The following ARMH3 variants were observed in gnomAD, a reference collection of about 807,000 sequenced individuals.
ARMH3 encodes armadillo-like helical domain-containing protein 3.
In ARMH3, 60 loss-of-function variants were observed where a neutral mutation model predicts 99.1. The observed-to-expected ratio is 0.61, with a 90% confidence interval of 0.49 to 0.75. ARMH3 has a LOEUF of 0.75. Among genes scored for constraint, ARMH3 ranks in the 30% least tolerant of loss-of-function variants. ARMH3 has a pLI of 0.00. For missense variants in ARMH3, 679 were observed against 843.1 expected, an observed-to-expected ratio of 0.81 and a Z score of 2.41; for synonymous variants, 285 against 292.8, an observed-to-expected ratio of 0.97 and a Z score of 0.27.
intron 1 of ARMH3, among the ~76,000 whole-genome samples, chr10:102,044,906 C>A (rs1027006100): frequency 1.3e-5 from 2 of 151,938 alleles, no homozygotes; most frequent in Admixed American, 6.6e-5. Context: ...GAAGCCGAGG[C>A]GGGCAGATCA....
intron 23 of ARMH3, among the ~76,000 whole-genome samples, chr10:101,890,225 TTC>T (rs1336579162): frequency 6.7e-6 from 1 of 149,926 alleles, no homozygotes; most frequent in Non-Finnish European, 1.5e-5. Context: ...ATCTCTTTTT[TTC>T]ATATATATAT....
At position 101,959,229 on chromosome 10, in the gene ARMH3, A is replaced by G. The variant is rs1281601306; in HGVS notation, c.1496-1497T>C. Among the ~76,000 whole-genome samples the G allele has an allele frequency of 3.3e-5, 5 of 152,306 alleles. No individual in the cohort carries two copies. The East Asian group carries it at 9.6e-4, about 29-fold the overall frequency. ...CTTAGCTCCTACCAGGAGCACAGGA[A>G]TAATGGGGCTAGCTAAAATTCACAT... On this transcript the variant is annotated intron_variant, in intron 20 of 25. Transcript: ENST00000370033.
intron 24 of ARMH3, among the ~76,000 whole-genome samples, chr10:101,868,423 TA>T (rs1457821258): frequency 2.0e-5 from 3 of 152,058 alleles, no homozygotes; most frequent in African/African-American, 7.2e-5. Flanking sequence ...TTCAGAGAAA[TA>T]AAAAAGTAAA....
At chr10:102,040,164 C>G (rs1230827598) in intron 1 of ARMH3, 39 bp from the exon 2 acceptor site, 2 of 1,499,552 alleles carry the variant, frequency 1.3e-6, no homozygotes, top group East Asian at 2.3e-5. Context: ...AGTGAAAATA[C>G]TCAGTATGAT....
chr10:101,953,396 G>T (rs1590076091), intron 22 of ARMH3, among the ~76,000 whole-genome samples: 2 of 152,160 alleles, frequency 1.3e-5, no homozygotes, highest in South Asian at 4.1e-4. Flanking sequence ...AAAGTGCTGG[G>T]ACTACAGGTG....
At chr10:101,995,122 G>T (rs1477111731) in intron 16 of ARMH3, among the ~76,000 whole-genome samples, 175 bp downstream of exon 16, 1 of 152,164 alleles carries the variant, frequency 6.6e-6, no homozygotes, top group Non-Finnish European at 1.5e-5. Flanking sequence ...TCTATCCATG[G>T]CTTCATCGAA....
intron 22 of ARMH3, among the ~76,000 whole-genome samples, chr10:101,949,425 A>T (rs77232151): frequency 2.0e-4 from 30 of 152,216 alleles, no homozygotes; most frequent in African/African-American, 7.2e-4. Context: ...GACCCTACAG[A>T]CATTAAAAAT....
At chr10:101,869,365 T>C (rs1021090916) in intron 24 of ARMH3, among the ~76,000 whole-genome samples, 19 of 152,202 alleles carry the variant, frequency 1.2e-4, no homozygotes, top group Admixed American at 6.5e-5. Flanking sequence ...CAATGGACCA[T>C]AAAGCAACTC....
chr10:101,988,636 C>T (rs1846621499), intron 19 of ARMH3, among the ~76,000 whole-genome samples: 2 of 152,022 alleles, frequency 1.3e-5, no homozygotes, highest in East Asian at 1.9e-4. Context: ...TCTAAGAAGC[C>T]GGAAGGTTGG....
At chr10:102,044,287 G>A (rs1373258489) in intron 1 of ARMH3, among the ~76,000 whole-genome samples, 1 of 151,700 alleles carries the variant, frequency 6.6e-6, no homozygotes, top group Non-Finnish European at 1.5e-5. Context: ...ATGTTAGCCA[G>A]GATGGTCTCG....
intron 23 of ARMH3, among the ~76,000 whole-genome samples, chr10:101,901,607 T>C (rs1452659941): frequency 6.6e-6 from 1 of 152,172 alleles, no homozygotes; most frequent in Non-Finnish European, 1.5e-5. Flanking sequence ...TGCTTTCACC[T>C]GCTCCAGCAC....
At chr10:101,978,205 G>C (rs564043917) in intron 19 of ARMH3, among the ~76,000 whole-genome samples, 1 of 151,594 alleles carries the variant, frequency 6.6e-6, no homozygotes, top group Non-Finnish European at 1.5e-5. Context: ...AAACAACTAT[G>C]GAAAGAACAT....
chr10:101,956,474 C>A (rs1168659275), intron 22 of ARMH3, 123 bp downstream of exon 22: 3 of 1,291,456 alleles, frequency 2.3e-6, no homozygotes, highest in Non-Finnish European at 3.2e-6. Context: ...GAGGAGACTA[C>A]TATATTTCTG....
intron 19 of ARMH3, among the ~76,000 whole-genome samples, chr10:101,987,558 G>A (rs1014502145): frequency 6.6e-5 from 10 of 152,130 alleles, no homozygotes; most frequent in Admixed American, 6.6e-4. Flanking sequence ...ACCCCAATCT[G>A]GTATTCACAC....
At chr10:101,994,060 A>G (rs1270057429) in intron 16 of ARMH3, among the ~76,000 whole-genome samples, 1 of 152,244 alleles carries the variant, frequency 6.6e-6, no homozygotes, top group Non-Finnish European at 1.5e-5. Flanking sequence ...CAACAGAAGC[A>G]AACTGCTACA....
intron 20 of ARMH3, among the ~76,000 whole-genome samples, chr10:101,962,970 CTTTTTTTTT>C (rs11358645): frequency 7.6e-6 from 1 of 131,764 alleles, no homozygotes; most frequent in Non-Finnish European, 1.6e-5. Flanking sequence ...GTCTTTTTTT[CTTTTTTTTT>C]TTTTTTTTGA....
intron 24 of ARMH3, 23 bp from the exon 25 acceptor site, chr10:101,849,915 C>A (rs1206144491): frequency 6.2e-7 from 1 of 1,605,266 alleles, no homozygotes; most frequent in East Asian, 2.2e-5. Context: ...AAGGGCCAGG[C>A]AGGGCTTAGG....
rs5787448 is a variant in ARMH3, at chr10:101,935,174, A to AATATATATATAT, written c.1781+4677_1781+4688dup. Among the ~76,000 whole-genome samples the AATATATATATAT allele has an allele frequency of 1.1e-3, 134 of 117,130 alleles. 2 individuals carry two copies. Among genetic ancestry groups the AATATATATATAT allele is most frequent in the East Asian group, 0.011 (29 of 2,734 alleles). 76.8% of individuals were successfully genotyped at this position (117,130 alleles called of 152,430 possible). On this transcript the variant is annotated intron_variant, in intron 23 of 25. Coordinates refer to ENST00000370033, the MANE Select transcript of ARMH3 (RefSeq NM_024541.3). ...AGAAGCGGAATCTCAAAGGTGGAGC[A>AATATATATATAT]ATATATATATATATATATATATATA... is the stretch of plus-strand genomic sequence containing the variant.
chr10:101,881,326 TG>T (rs1192211243), intron 24 of ARMH3, among the ~76,000 whole-genome samples: 12 of 152,096 alleles, frequency 7.9e-5, no homozygotes, highest in Non-Finnish European at 7.4e-5. Context: ...AGCAAGCTCC[TG>T]GGTCACTTGG....
Sources: gnomAD v4.1 joint callset for allele counts (sites outside exome capture counted in the v4.1 genomes callset) on GRCh38, gnomAD v4.1.1 for gene constraint, MANE v1.5 for transcripts, NCBI Gene and HGNC (gene_info 2026-07-23, HGNC 2026-07-21) for gene names.